The following BEND3 variants were observed in gnomAD, a reference collection of about 807,000 sequenced individuals.
BEND3 encodes the protein BEN domain-containing protein 3.
BEND3 carries 13 observed loss-of-function variants against 60.1 expected under a neutral mutation model. That is an observed-to-expected ratio of 0.22 (90% CI 0.14 to 0.34). The LOEUF is 0.34. Among genes scored for constraint, BEND3 ranks in the 10% least tolerant of loss-of-function variants. The probability of loss-of-function intolerance (pLI) is 1.00; values close to 1 mark genes in which losing one functional copy is unlikely to be tolerated. For synonymous variants in BEND3, 497 were observed against 491.5 expected, an observed-to-expected ratio of 1.01 and a Z score of -0.15; for missense variants, 896 against 1,138.1, an observed-to-expected ratio of 0.79 and a Z score of 3.06.
chr6:107,083,047 G>A (rs1775265333), intron 3 of BEND3, among the ~76,000 whole-genome samples: 2 of 152,122 alleles, frequency 1.3e-5, no homozygotes, highest in South Asian at 4.1e-4. Flanking sequence ...TGTTTTCCCG[G>A]CATTACTTGT....
chr6:107,098,808 C>T (rs1445560650), intron 2 of BEND3, 55 bp from the exon 3 acceptor site: 4 of 1,496,266 alleles, frequency 2.7e-6, no homozygotes, highest in Non-Finnish European at 2.8e-6. Flanking sequence ...GCTCAGAGAT[C>T]AGCAGGGTTC....
In BEND3 at chr6:107,067,038, T is replaced by C. The variant is rs548477662; in HGVS notation, c.*1666A>G. ...AGTTTCAACAGAAATAATCTGTAAA[T>C]GACACTTAGGAGCAAATTTACTAGT... On this transcript the variant is annotated 3_prime_UTR_variant, in exon 4 of 4. Coordinates refer to ENST00000369042, the MANE Select transcript of BEND3 (RefSeq NM_001367314.1). 6.6e-6 allele frequency: 1 copy of C among 152,320 alleles called. No homozygotes were observed. Among genetic ancestry groups the C allele is most frequent in the South Asian group, 2.1e-4 (1 of 4,820 alleles). 9.4% of individuals were successfully genotyped at this position (152,320 alleles called of 1,614,324 possible).
In BEND3 at chr6:107,068,930, G is replaced by A. The variant is rs141037385; in HGVS notation, c.2261C>T (p.Ala754Val). ...GTTGTACTGCAGCCGGAGGTTCTCG[G>A]CGGTGAAGAGTTCGGGAAACAGGCG... ...LVRLFPELFT[A>V]ENLRLQYNHS... Residue 754 changes from alanine to valine, a missense_variant, in exon 4 of 4, where the codon GCC becomes GTC. Around this residue, in one of 4 missense-constraint regions of BEND3, gnomAD observed 846 missense variants for 1,036.7 expected, o/e 0.82. Coordinates refer to ENST00000369042, the MANE Select transcript of BEND3 (RefSeq NM_001367314.1). This position sits in a 1 kb window ranked among gnomAD's most constrained non-coding sequence, Gnocchi z 5.8. 692 of 1,613,910 alleles carry A rather than the reference G, an allele frequency of 4.3e-4. 5 individuals carry two copies. The highest frequency in any genetic ancestry group is 4.1e-3 in the South Asian group (371 of 91,066).
Position 107,070,551 on chromosome 6 carries a change from G to C in BEND3, c.640C>G (p.His214Asp). The C allele has an allele frequency of 6.2e-7, 1 of 1,613,380 alleles. No homozygotes were observed. The highest frequency in any genetic ancestry group is 1.3e-5 in the African/African-American group (1 of 75,026). The change falls in exon 4 of 4, where the codon CAC becomes GAC. Residue 214 changes from histidine (H) to aspartate (D), a missense_variant. This residue lies in a region of BEND3 where 846 missense variants were observed against 1,036.7 expected (regional missense o/e 0.82). Transcript: ENST00000369042. The surrounding 1 kb of genome is among the most constrained non-coding windows in gnomAD (Gnocchi z 6.9). Reference sequence around the variant, plus strand: ...AGGGAGAGCAGGTCCACCTTGCTGTGCAGCTGGGACATGTTGGACGTGAGG... The same window carrying C: ...AGGGAGAGCAGGTCCACCTTGCTGTCCAGCTGGGACATGTTGGACGTGAGG... ...NTLTSNMSQL[H>D]SKVDLLSLEV...
At chr6:107,112,856 G>GAAAA (rs1201523509) in intron 1 of BEND3, among the ~76,000 whole-genome samples, 1 of 80,106 alleles carries the variant, frequency 1.2e-5, no homozygotes, top group Non-Finnish European at 2.7e-5. Flanking sequence ...TCTGTCTCAA[G>GAAAA]AAAAAAAAAA....
At chr6:107,110,541 G>A (rs1207963946) in intron 1 of BEND3, among the ~76,000 whole-genome samples, 2 of 152,118 alleles carry the variant, frequency 1.3e-5, no homozygotes, top group African/African-American at 4.8e-5. Flanking sequence ...TCAGTTTTTA[G>A]CACATTTTTT....
chr6:107,072,074 T>A (rs916440445), intron 3 of BEND3, among the ~76,000 whole-genome samples: 3 of 152,234 alleles, frequency 2.0e-5, no homozygotes, highest in Non-Finnish European at 4.4e-5. Flanking sequence ...CAGATACTTA[T>A]GTAAATGTAT....
At chr6:107,079,107 G>A (rs1554233167) in intron 3 of BEND3, among the ~76,000 whole-genome samples, 1 of 152,234 alleles carries the variant, frequency 6.6e-6, no homozygotes, top group African/African-American at 2.4e-5. Context: ...AGAAACACAC[G>A]GGTGGAGGAA....
At chr6:107,073,228 T>TGTGAGCA (rs1562300422) in intron 3 of BEND3, among the ~76,000 whole-genome samples, 5 of 14,692 alleles carry the variant, frequency 3.4e-4, no homozygotes, top group Admixed American at 1.4e-3. Flanking sequence ...TATATATATA[T>TGTGAGCA]ATATATATAT....
intron 3 of BEND3, among the ~76,000 whole-genome samples, chr6:107,087,651 T>G (rs954683206): frequency 5.1e-4 from 77 of 151,696 alleles, no homozygotes; most frequent in Non-Finnish European, 9.6e-4. Flanking sequence ...GCAGGAGAAT[T>G]GCTTGAATCT....
intron 1 of BEND3, chr6:107,114,280 C>A (rs979800242): frequency 6.6e-6 from 1 of 152,136 alleles, no homozygotes; most frequent in Non-Finnish European, 1.5e-5. Flanking sequence ...GCGCCCCAGG[C>A]TTCAGCTTTG....
intron 2 of BEND3, 145 bp downstream of exon 2, chr6:107,099,104 G>A: frequency 1.5e-6 from 1 of 676,634 alleles, no homozygotes; most frequent in Non-Finnish European, 2.6e-6. Flanking sequence ...TGTGGGTGGA[G>A]GGGGATGGGA....
intron 3 of BEND3, among the ~76,000 whole-genome samples, chr6:107,095,332 A>G (rs1775562415): frequency 6.6e-6 from 1 of 152,156 alleles, no homozygotes; most frequent in African/African-American, 2.4e-5. Flanking sequence ...CTCTGCAAAA[A>G]AAAAATTTTT....
At position 107,069,427 on chromosome 6, in the gene BEND3, G is replaced by C. The variant is rs150572392; in HGVS notation, c.1764C>G (p.His588Gln). The change falls in exon 4 of 4, where the codon CAC (histidine) becomes CAG (glutamine). Residue 588 changes from histidine (H) to glutamine (Q), a missense_variant. Coordinates refer to ENST00000369042, the MANE Select transcript of BEND3 (RefSeq NM_001367314.1). Reference protein sequence around the residue: ...LVHLFPELFTHENLRKQYNCS... With the variant: ...LVHLFPELFTQENLRKQYNCS... ...AGTTGTACTGCTTGCGCAGGTTCTC[G>C]TGCGTGAAGAGCTCGGGGAACAGGT... 9.3e-6 allele frequency: 15 copies of C among 1,612,440 alleles called. No homozygotes were observed. In the African/African-American group the frequency reaches 9.3e-5, roughly 10 times the overall value.
Position 107,068,958 on chromosome 6 carries a change from C to T in BEND3, c.2233G>A (p.Val745Ile), listed in dbSNP as rs782084140. 14 of 1,613,692 alleles carry T rather than the reference C, an allele frequency of 8.7e-6. No individual in the cohort carries two copies. In the East Asian group the frequency reaches 1.1e-4, roughly 13 times the overall value. The change falls in exon 4 of 4, where the codon GTC (valine) becomes ATC (isoleucine). Residue 745 changes from valine to isoleucine, a missense_variant. Transcript: ENST00000369042. This position sits in a 1 kb window ranked among gnomAD's most constrained non-coding sequence, Gnocchi z 5.8. ...GTGAAGAGTTCGGGAAACAGGCGGA[C>T]GAGGAGCCGGGCGGCAAAGTTGCCC... ...SVGNFAARLL[V>I]RLFPELFTAE... is the part of the protein sequence containing the mutation.
chr6:107,111,000 C>G (rs1554238315), intron 1 of BEND3, among the ~76,000 whole-genome samples: 1 of 151,394 alleles, frequency 6.6e-6, no homozygotes. Flanking sequence ...CCCGTATCTA[C>G]TAAAAATATA....
At chr6:107,086,212 G>A (rs1457703571) in intron 3 of BEND3, among the ~76,000 whole-genome samples, 1 of 152,066 alleles carries the variant, frequency 6.6e-6, no homozygotes, top group Non-Finnish European at 1.5e-5. Context: ...CCTTTCACCT[G>A]GAGGAAGAGA....
At chr6:107,071,109 ACT>A (rs1184705758) in intron 3 of BEND3, among the ~76,000 whole-genome samples, 159 bp from the exon 4 acceptor site, 3 of 152,196 alleles carry the variant, frequency 2.0e-5, no homozygotes, top group Non-Finnish European at 4.4e-5. Flanking sequence ...AGGATGCACC[ACT>A]GATACAAACC....
chr6:107,110,030 C>CAAAAAAA (rs10708512), intron 1 of BEND3, among the ~76,000 whole-genome samples: 1 of 125,554 alleles, frequency 8.0e-6, no homozygotes, highest in Non-Finnish European at 1.7e-5. Flanking sequence ...GACCCTGACT[C>CAAAAAAA]AAAAAAAAAA....
Sources: allele counts gnomAD v4.1 joint callset (sites outside exome capture counted in the v4.1 genomes callset), GRCh38; gene constraint gnomAD v4.1.1; regional missense constraint gnomAD v4.1.1; non-coding constraint Gnocchi (gnomAD v3.1); transcripts MANE v1.5; gene names NCBI Gene and HGNC (gene_info 2026-07-23, HGNC 2026-07-21).